TTC12: variants seen among roughly 807,000 people sequenced by gnomAD.
The protein encoded by TTC12 is tetratricopeptide repeat domain 12, also known as tetratricopeptide repeat protein 12.
TTC12 carries 70 observed loss-of-function variants against 90.1 expected under a neutral mutation model. That is an observed-to-expected ratio of 0.78 (90% CI 0.64 to 0.95). TTC12 has a LOEUF of 0.95. Ranked by LOEUF, TTC12 falls within the 40% of genes least tolerant of loss-of-function variation. The pLI is 0.00. For missense variants in TTC12, 819 were observed against 846.1 expected (o/e 0.97, Z 0.40); for synonymous variants, 296 against 311.5 (o/e 0.95, Z 0.53).
chr11:113,314,963 C>T (rs1402260460), intron 1 of TTC12: 5 of 139,610 alleles, frequency 3.6e-5, no homozygotes, highest in Non-Finnish European at 8.0e-5. Flanking sequence ...CTCTGGCCCT[C>T]TCACCCTAGC....
chr11:113,337,790 A>G (rs1235880324), intron 8 of TTC12, among the ~76,000 whole-genome samples: 1 of 151,436 alleles, frequency 6.6e-6, no homozygotes, highest in African/African-American at 2.5e-5. Context: ...TGCAATAAAT[A>G]TCCAAGCAAG....
At chr11:113,317,764 T>C (rs1947035692) in intron 2 of TTC12, among the ~76,000 whole-genome samples, 1 of 152,074 alleles carries the variant, frequency 6.6e-6, no homozygotes, top group Non-Finnish European at 1.5e-5. Flanking sequence ...TTTCACACTC[T>C]GCACTGGATC....
At chr11:113,349,296 A>G (rs1949138597) in intron 13 of TTC12, among the ~76,000 whole-genome samples, 1 of 152,184 alleles carries the variant, frequency 6.6e-6, no homozygotes, top group Admixed American at 6.5e-5. Context: ...TTATTTATTT[A>G]CATGTGTATC....
intron 4 of TTC12, 32 bp downstream of exon 4, chr11:113,324,047 T>A (rs781813795): frequency 6.3e-7 from 1 of 1,586,206 alleles, no homozygotes; most frequent in South Asian, 1.1e-5. Context: ...CCAATTTTCA[T>A]TCTTTATATA....
intron 16 of TTC12, among the ~76,000 whole-genome samples, chr11:113,357,269 G>A (rs948172500): frequency 1.3e-5 from 2 of 152,074 alleles, no homozygotes; most frequent in Admixed American, 6.5e-5. Flanking sequence ...TGGTTTTTCA[G>A]CTCTATCAGG....
At chr11:113,357,785 G>A (rs1278825183) in intron 16 of TTC12, among the ~76,000 whole-genome samples, 4 of 152,282 alleles carry the variant, frequency 2.6e-5, no homozygotes, top group African/African-American at 9.6e-5. Flanking sequence ...GGCTTCTCTA[G>A]GTTAAGAATA....
intron 20 of TTC12, chr11:113,364,247 A>C: frequency 3.5e-6 from 1 of 287,190 alleles, no homozygotes; most frequent in East Asian, 8.1e-5. Flanking sequence ...AAACACCGTC[A>C]ACGTTTAGTG....
intron 21 of TTC12, among the ~76,000 whole-genome samples, chr11:113,372,617 A>G (rs924240625): frequency 2.0e-5 from 3 of 152,258 alleles, no homozygotes; most frequent in Admixed American, 2.0e-4. Flanking sequence ...AGTAAGAGCT[A>G]TGATTCATAA....
intron 7 of TTC12, among the ~76,000 whole-genome samples, chr11:113,331,954 A>C (rs2137960409): frequency 6.6e-6 from 1 of 152,364 alleles, no homozygotes; most frequent in African/African-American, 2.4e-5. Context: ...ATTAAAAGAA[A>C]AGCTTTTGCT....
chr11:113,354,511 G>A lies in TTC12; in HGVS notation c.1446+2304G>A, dbSNP rs368294844. Among the ~76,000 whole-genome samples the A allele has an allele frequency of 2.0e-4, 31 of 152,304 alleles. No homozygotes were observed. The East Asian group carries it at 5.0e-3, about 25-fold the overall frequency. On this transcript the variant is annotated intron_variant, in intron 16 of 21. Coordinates refer to ENST00000529221, the MANE Select transcript of TTC12 (RefSeq NM_017868.4). ...TCTAATGCTATGTTGAATAGGAGTG[G>A]TGGGAGAGGGCATCCTTATCTTGTG...
intron 1 of TTC12, among the ~76,000 whole-genome samples, chr11:113,315,729 T>G (rs1424507006): frequency 3.3e-5 from 5 of 152,222 alleles, no homozygotes; most frequent in East Asian, 1.9e-4. Context: ...TTCTAATCCC[T>G]TCAGTCAATT....
intron 15 of TTC12, 47 bp from the exon 16 acceptor site, chr11:113,352,023 C>G: frequency 6.2e-7 from 1 of 1,602,036 alleles, no homozygotes; most frequent in Non-Finnish European, 8.5e-7. Flanking sequence ...CATGCGGCAT[C>G]CTTTGCCTGC....
intron 8 of TTC12, among the ~76,000 whole-genome samples, chr11:113,336,310 T>C (rs1248093113): frequency 6.6e-6 from 1 of 152,190 alleles, no homozygotes; most frequent in Non-Finnish European, 1.5e-5. Flanking sequence ...TTTCCAAATA[T>C]TTTCTTCCAC....
intron 16 of TTC12, among the ~76,000 whole-genome samples, chr11:113,358,122 C>G (rs1300622492): frequency 6.6e-6 from 1 of 152,192 alleles, no homozygotes. Context: ...ATCTGCTATA[C>G]TCTATGCCAT....
At chr11:113,363,095 C>T (rs946356459) in intron 19 of TTC12, among the ~76,000 whole-genome samples, 1 of 152,222 alleles carries the variant, frequency 6.6e-6, no homozygotes, top group Non-Finnish European at 1.5e-5. Flanking sequence ...GAGGTCCATA[C>T]ACCCATGTTA....
intron 2 of TTC12, 84 bp downstream of exon 2, chr11:113,316,399 G>A (rs1946943681): frequency 1.6e-6 from 1 of 630,864 alleles, no homozygotes; most frequent in Non-Finnish European, 2.5e-6. Context: ...TGGGTGGCTT[G>A]ACAGGTTTAT....
intron 15 of TTC12, among the ~76,000 whole-genome samples, chr11:113,351,608 A>G (rs781963704): frequency 6.6e-6 from 1 of 152,190 alleles, no homozygotes; most frequent in African/African-American, 2.4e-5. Context: ...GTGCAACCCT[A>G]TTCCCAGATG....
intron 18 of TTC12, among the ~76,000 whole-genome samples, chr11:113,361,981 C>A (rs7115082): frequency 4.0e-5 from 6 of 149,584 alleles, no homozygotes; most frequent in Non-Finnish European, 1.5e-5. Flanking sequence ...AAAGAAGAGC[C>A]GGGAAATAAA....
At chr11:113,352,524 TG>T (rs1328236171) in intron 16 of TTC12, among the ~76,000 whole-genome samples, 1 of 152,112 alleles carries the variant, frequency 6.6e-6, no homozygotes, top group Admixed American at 6.5e-5. Context: ...ACTTGTGTCA[TG>T]GGGGTTTGTT....
Sources: allele counts gnomAD v4.1 joint callset (sites outside exome capture counted in the v4.1 genomes callset), GRCh38; gene constraint gnomAD v4.1.1; transcripts MANE v1.5; gene names NCBI Gene and HGNC (gene_info 2026-07-23, HGNC 2026-07-21).